Variants in MLLT10 observed in about 807,000 individuals in gnomAD.
MLLT10 encodes the protein protein AF-10.
MLLT10 carries 30 observed loss-of-function variants against 129.1 expected under a neutral mutation model. The ratio of observed to expected loss-of-function variants is 0.23; its 90% CI spans 0.17 to 0.32. The LOEUF (loss-of-function observed/expected upper bound fraction) is 0.32, where lower values mean the gene tolerates loss of function less well. Among genes scored for constraint, MLLT10 ranks in the 10% least tolerant of loss-of-function variants. The probability of loss-of-function intolerance (pLI) is 1.00; values close to 1 mark genes in which losing one functional copy is unlikely to be tolerated. For missense variants in MLLT10, 1,119 were observed against 1,268.3 expected (o/e 0.88, Z 1.79); for synonymous variants, 490 against 446.4 (o/e 1.10, Z -1.23).
intron 9 of MLLT10, among the ~76,000 whole-genome samples, chr10:21,666,300 TG>T (rs1272569969): frequency 2.0e-5 from 3 of 152,222 alleles, no homozygotes; most frequent in Non-Finnish European, 4.4e-5. Context: ...TATCACTTAT[TG>T]TTTTTTTACA....
At chr10:21,655,931 G>A (rs2049534720) in intron 9 of MLLT10, among the ~76,000 whole-genome samples, 1 of 152,152 alleles carries the variant, frequency 6.6e-6, no homozygotes, top group Admixed American at 6.5e-5. Context: ...TTGAAGGAGG[G>A]GTGGCAGGTG....
At chr10:21,544,029 A>G (rs962585599) in intron 3 of MLLT10, among the ~76,000 whole-genome samples, 3 of 152,174 alleles carry the variant, frequency 2.0e-5, no homozygotes, top group South Asian at 2.1e-4. Context: ...AGTGTTTACT[A>G]TGTGCCCACA....
At chr10:21,641,365 A>G (rs896842830) in intron 8 of MLLT10, among the ~76,000 whole-genome samples, 1 of 152,240 alleles carries the variant, frequency 6.6e-6, no homozygotes, top group Non-Finnish European at 1.5e-5. Context: ...ACATAGATAC[A>G]TACATAAAAA....
intron 8 of MLLT10, among the ~76,000 whole-genome samples, chr10:21,633,005 T>C (rs1344450810): frequency 6.6e-6 from 1 of 152,236 alleles, no homozygotes. Flanking sequence ...TTTAACTCTT[T>C]CAGGTGTTGC....
chr10:21,564,355 G>A (rs1483246469), intron 3 of MLLT10: 1 of 152,088 alleles, frequency 6.6e-6, no homozygotes, highest in Non-Finnish European at 1.5e-5. Context: ...CTCCTAAAGT[G>A]CTGGGATTAC....
intron 5 of MLLT10, among the ~76,000 whole-genome samples, chr10:21,599,777 A>C (rs1163878782): frequency 6.6e-6 from 1 of 152,138 alleles, no homozygotes; most frequent in South Asian, 2.1e-4. Context: ...AATGATGCCC[A>C]GGCTGATCTT....
At chr10:21,622,153 CTTTTTTTTTT>C (rs71393915) in intron 8 of MLLT10, among the ~76,000 whole-genome samples, 3 of 99,814 alleles carry the variant, frequency 3.0e-5, no homozygotes, top group East Asian at 2.5e-4. Flanking sequence ...TTTGTTTTTC[CTTTTTTTTTT>C]TTTTTTTTTT....
intron 18 of MLLT10, 68 bp from the exon 19 acceptor site, chr10:21,733,436 C>A: frequency 1.0e-6 from 1 of 996,560 alleles, no homozygotes; most frequent in Non-Finnish European, 1.4e-6. Context: ...TTTTAATAAG[C>A]CTTTAATCTT....
intron 3 of MLLT10, among the ~76,000 whole-genome samples, chr10:21,546,431 G>A (rs1041689706): frequency 2.7e-5 from 4 of 150,750 alleles, no homozygotes; most frequent in African/African-American, 9.8e-5. Flanking sequence ...TTGAGATGGA[G>A]TCTCACTCTG....
intron 7 of MLLT10, among the ~76,000 whole-genome samples, chr10:21,615,832 T>A (rs1427750263): frequency 6.6e-6 from 1 of 152,188 alleles, no homozygotes; most frequent in East Asian, 1.9e-4. Flanking sequence ...AACATTTGAT[T>A]GGGTGTTACA....
chr10:21,553,684 C>G (rs1442909352), intron 3 of MLLT10, among the ~76,000 whole-genome samples: 3 of 150,516 alleles, frequency 2.0e-5, no homozygotes, highest in Non-Finnish European at 4.4e-5. Flanking sequence ...CAGGGCCTCT[C>G]TGTCGCCCAG....
At chr10:21,650,206 C>A (rs1289476687) in intron 8 of MLLT10, among the ~76,000 whole-genome samples, 1 of 151,892 alleles carries the variant, frequency 6.6e-6, no homozygotes, top group African/African-American at 2.4e-5. Flanking sequence ...TAAAAAAAAG[C>A]CTTGTGTGGT....
At chr10:21,710,140 G>A (rs572116260) in intron 13 of MLLT10, among the ~76,000 whole-genome samples, 1 of 152,266 alleles carries the variant, frequency 6.6e-6, no homozygotes, top group South Asian at 2.1e-4. Context: ...CCCTTTAAAT[G>A]GTAATGTTAT....
chr10:21,664,944 C>A (rs374571927), intron 9 of MLLT10, among the ~76,000 whole-genome samples: 1 of 119,392 alleles, frequency 8.4e-6, no homozygotes, highest in East Asian at 2.4e-4. Context: ...TTTTTCTTTT[C>A]TTTTTTTTTT....
chr10:21,619,846 GATACT>G (rs1249438901), intron 8 of MLLT10, among the ~76,000 whole-genome samples: 2 of 151,894 alleles, frequency 1.3e-5, no homozygotes, highest in African/African-American at 2.4e-5. Context: ...GATTATAAGT[GATACT>G]ATAGTTAAAA....
intron 16 of MLLT10, among the ~76,000 whole-genome samples, chr10:21,728,340 A>G (rs80033475): frequency 0.015 from 2,345 of 152,322 alleles, 52 homozygotes; most frequent in African/African-American, 0.053. Context: ...GTCGTGTGGT[A>G]GATCACTAAA....
intron 8 of MLLT10, among the ~76,000 whole-genome samples, chr10:21,644,918 A>G (rs2048339115): frequency 6.6e-6 from 1 of 152,166 alleles, no homozygotes; most frequent in African/African-American, 2.4e-5. Context: ...GGGGAGAGCC[A>G]CTGCACCGGG....
chr10:21,733,519 C>G lies in MLLT10; in HGVS notation c.2423C>G (p.Ser808Cys), dbSNP rs763656244. The change falls in exon 19 of 23, where the codon TCC becomes TGC. Residue 808 changes from serine to cysteine, a missense_variant. Coordinates refer to ENST00000307729, the MANE Select transcript of MLLT10 (RefSeq NM_001195626.3). ...ATTATTCTAGCTCCTACTACTGATTCCTTGAACAGCAGTAAGAGCCCTCAT... is the reference window on the plus strand; with the variant it reads ...ATTATTCTAGCTCCTACTACTGATTGCTTGAACAGCAGTAAGAGCCCTCAT... ...FSAQTAPTTD[S>C]LNSSKSPHIG... is the part of the protein sequence containing the mutation. The G allele has an allele frequency of 3.2e-6, 5 of 1,554,072 alleles. No individual in the cohort carries two copies. Among genetic ancestry groups the G allele is most frequent in the Non-Finnish European group, 3.5e-6 (4 of 1,156,520 alleles).
intron 6 of MLLT10, among the ~76,000 whole-genome samples, chr10:21,613,949 C>T (rs560143890): frequency 2.6e-4 from 39 of 151,222 alleles, no homozygotes; most frequent in Admixed American, 6.6e-4. Flanking sequence ...TAGCTGGGTG[C>T]AGTGGCTATG....
Sources: gnomAD v4.1 joint callset for allele counts (sites outside exome capture counted in the v4.1 genomes callset) on GRCh38, gnomAD v4.1.1 for gene constraint, MANE v1.5 for transcripts, NCBI Gene and HGNC (gene_info 2026-07-23, HGNC 2026-07-21) for gene names.